Variants in LARGE1 observed in about 807,000 individuals in gnomAD.
LARGE1 encodes the protein LARGE xylosyl- and glucuronyltransferase 1, also known as xylosyl- and glucuronyltransferase LARGE1.
Under a neutral mutation model 87.6 loss-of-function variants are expected in LARGE1, and 43 were observed. The observed-to-expected ratio is 0.49, with a 90% CI of 0.38 to 0.63. The LOEUF is 0.63. Among genes scored for constraint, LARGE1 ranks in the 30% least tolerant of loss-of-function variants. The pLI is 0.00. For synonymous variants in LARGE1, 434 were observed against 394.6 expected (o/e 1.10, Z -1.18); for missense variants, 802 against 1,000.2 (o/e 0.80, Z 2.67).
chr22:33,546,209 C>T (rs1227404526), intron 6 of LARGE1, among the ~76,000 whole-genome samples: 1 of 152,186 alleles, frequency 6.6e-6, no homozygotes, highest in Non-Finnish European at 1.5e-5. Flanking sequence ...TTCGATCTGC[C>T]ATCACCTTCC....
At chr22:33,460,742 T>C (rs1229713907) in intron 6 of LARGE1, among the ~76,000 whole-genome samples, 1 of 152,074 alleles carries the variant, frequency 6.6e-6, no homozygotes, top group East Asian at 1.9e-4. Flanking sequence ...AAAAACACCC[T>C]AGAGAACAAA....
intron 1 of LARGE1, among the ~76,000 whole-genome samples, chr22:33,860,973 G>A (rs1012039676): frequency 6.6e-6 from 1 of 152,164 alleles, no homozygotes; most frequent in Non-Finnish European, 1.5e-5. Context: ...CTTGGAGTGT[G>A]AAGCCTGCAC....
At chr22:33,300,056 C>T (rs895759234) in intron 12 of LARGE1, among the ~76,000 whole-genome samples, 4 of 152,070 alleles carry the variant, frequency 2.6e-5, no homozygotes, top group Non-Finnish European at 5.9e-5. Context: ...CAAATAGAAC[C>T]CCAAAAAAGG....
intron 5 of LARGE1, among the ~76,000 whole-genome samples, chr22:33,595,212 T>C (rs1407820980): frequency 2.0e-5 from 3 of 152,112 alleles, no homozygotes; most frequent in East Asian, 3.9e-4. Flanking sequence ...ATTTATGGGG[T>C]ACAAGAGATG....
At chr22:33,568,499 G>A (rs965400485) in intron 5 of LARGE1, among the ~76,000 whole-genome samples, 2 of 152,160 alleles carry the variant, frequency 1.3e-5, no homozygotes, top group Admixed American at 1.3e-4. Flanking sequence ...GGGCGCAGTG[G>A]CTCACGCCTG....
At chr22:33,282,862 G>A (rs1469966700) in intron 13 of LARGE1, among the ~76,000 whole-genome samples, 1 of 152,114 alleles carries the variant, frequency 6.6e-6, no homozygotes, top group Non-Finnish European at 1.5e-5. Context: ...GGGAGAACTC[G>A]GAGCCAGGAG....
rs137994851 is a variant in LARGE1, at chr22:33,814,851, C to A, written c.-82-53293G>T. Reference sequence around the variant, plus strand: ...TTTCATACAGGCTATTTGATACTCACAACAGGTCACCTATGTAAGTATGAT... The same window carrying A: ...TTTCATACAGGCTATTTGATACTCAAAACAGGTCACCTATGTAAGTATGAT... On this transcript the variant is annotated intron_variant, in intron 1 of 14. Coordinates refer to ENST00000397394, the MANE Select transcript of LARGE1 (RefSeq NM_133642.5). Among the ~76,000 whole-genome samples, 488 of 152,278 alleles carry A rather than the reference C, an allele frequency of 3.2e-3. 9 individuals carry two copies. The highest frequency in any genetic ancestry group is 0.024 in the East Asian group (127 of 5,184).
At chr22:33,917,119 A>G (rs952012147) in intron 1 of LARGE1, among the ~76,000 whole-genome samples, 1 of 152,216 alleles carries the variant, frequency 6.6e-6, no homozygotes, top group South Asian at 2.1e-4. Flanking sequence ...CAGGTTTCAA[A>G]CAGAGTCTAA....
Position 33,700,505 on chromosome 22 carries a change from G to A in LARGE1, c.107-49837C>T, listed in dbSNP as rs553533470. 1.5e-4 allele frequency among the ~76,000 whole-genome samples: 23 copies of A among 152,310 alleles called. 2 individuals are homozygous for A. The highest frequency in any genetic ancestry group is 3.1e-4 in the African/African-American group (13 of 41,578). ...AAATGGGATGACATGAGGGCTGGCGGGGGTGCCAGAACTATGCTCTGTTCA... is the reference window on the plus strand; with the variant it reads ...AAATGGGATGACATGAGGGCTGGCGAGGGTGCCAGAACTATGCTCTGTTCA... On this transcript the variant is annotated intron_variant, in intron 2 of 14. Coordinates refer to ENST00000397394, the MANE Select transcript of LARGE1 (RefSeq NM_133642.5).
At chr22:33,091,159 A>G in the LARGE1 span, among the ~76,000 whole-genome samples, 1 of 152,302 alleles carries the variant, frequency 6.6e-6, no homozygotes, top group African/African-American at 2.4e-5. Flanking sequence ...TCACATGACA[A>G]TTATATCCAG....
In LARGE1 at chr22:33,275,242, G is replaced by A. The variant is rs185718880; in HGVS notation, c.2074-618C>T. Among the ~76,000 whole-genome samples, 45 of 152,302 alleles carry A rather than the reference G, an allele frequency of 3.0e-4. No individual in the cohort carries two copies. The East Asian group carries it at 8.1e-3, about 27-fold the overall frequency. ...AGTATTCTCAACTTGGCAGAATACA[G>A]CTTAATACTCAGGCCAAAAATAAAA... On this transcript the variant is annotated intron_variant, in intron 14 of 14. Coordinates refer to ENST00000397394, the MANE Select transcript of LARGE1 (RefSeq NM_133642.5).
At chr22:33,860,303 T>C (rs1171656135) in intron 1 of LARGE1, among the ~76,000 whole-genome samples, 1 of 152,178 alleles carries the variant, frequency 6.6e-6, no homozygotes. Flanking sequence ...TTTTTGAATT[T>C]TTTTAAATCG....
intron 2 of LARGE1, among the ~76,000 whole-genome samples, chr22:33,752,007 C>G (rs368304412): frequency 6.6e-6 from 1 of 152,186 alleles, no homozygotes; most frequent in East Asian, 1.9e-4. Context: ...GTCTTGAGCT[C>G]CTGGCCTCAA....
At chr22:33,830,466 GA>G (rs962264348) in intron 1 of LARGE1, among the ~76,000 whole-genome samples, 9 of 152,180 alleles carry the variant, frequency 5.9e-5, no homozygotes, top group African/African-American at 2.2e-4. Context: ...TCTTGTGCCA[GA>G]TGGCCTGCCT....
At chr22:33,504,031 T>G (rs2070640400) in intron 6 of LARGE1, among the ~76,000 whole-genome samples, 1 of 152,122 alleles carries the variant, frequency 6.6e-6, no homozygotes, top group South Asian at 2.1e-4. Flanking sequence ...AAAGGCCACA[T>G]GTTGTATATT....
chr22:33,713,544 T>G (rs1233136641), intron 2 of LARGE1, among the ~76,000 whole-genome samples: 1 of 152,086 alleles, frequency 6.6e-6, no homozygotes, highest in African/African-American at 2.4e-5. Context: ...GCACTCTTAA[T>G]TACCTAATTG....
At chr22:33,280,846 T>G (rs1318775491) in intron 13 of LARGE1, among the ~76,000 whole-genome samples, 2 of 152,214 alleles carry the variant, frequency 1.3e-5, no homozygotes, top group Non-Finnish European at 2.9e-5. Flanking sequence ...TGCATTAGAA[T>G]TATCTGGAAG....
chr22:33,554,358 G>T (rs911014614), intron 6 of LARGE1, among the ~76,000 whole-genome samples: 2 of 152,096 alleles, frequency 1.3e-5, no homozygotes, highest in African/African-American at 4.8e-5. Flanking sequence ...TTCAGAAAAG[G>T]AAACTGTAAC....
At chr22:33,766,145 C>A (rs927073510) in intron 1 of LARGE1, among the ~76,000 whole-genome samples, 5 of 152,142 alleles carry the variant, frequency 3.3e-5, no homozygotes, top group African/African-American at 1.2e-4. Flanking sequence ...AATTACATCA[C>A]GAACATGTGC....
Sources: gnomAD v4.1 joint callset for allele counts (sites outside exome capture counted in the v4.1 genomes callset) on GRCh38, gnomAD v4.1.1 for gene constraint, MANE v1.5 for transcripts, NCBI Gene and HGNC (gene_info 2026-07-23, HGNC 2026-07-21) for gene names.